FAF1: variants seen among roughly 807,000 people sequenced by gnomAD.
FAF1 encodes Fas associated factor 1.
A neutral mutation model predicts 92.5 loss-of-function variants in FAF1; 25 were observed. The observed-to-expected ratio is 0.27, with a 90% confidence interval of 0.20 to 0.38. The LOEUF is 0.38. Ranked by LOEUF, FAF1 falls within the 10% of genes least tolerant of loss-of-function variation. The probability of loss-of-function intolerance (pLI) is 1.00; values close to 1 mark genes in which losing one functional copy is unlikely to be tolerated. For synonymous variants in FAF1, 234 were observed against 273.2 expected (o/e 0.86, Z 1.42); for missense variants, 636 against 793.3 (o/e 0.80, Z 2.38).
chr1:50,696,929 T>C (rs1427806515), intron 7 of FAF1, among the ~76,000 whole-genome samples: 1 of 152,204 alleles, frequency 6.6e-6, no homozygotes, highest in Non-Finnish European at 1.5e-5. Flanking sequence ...GGCTAAATCT[T>C]TCATGTAGGA....
At chr1:50,701,767 T>A (rs564436470) in intron 7 of FAF1, among the ~76,000 whole-genome samples, 1 of 152,208 alleles carries the variant, frequency 6.6e-6, no homozygotes, top group African/African-American at 2.4e-5. Context: ...GCTTCCCATT[T>A]AATCACTACT....
chr1:50,609,825 C>T (rs1572866816), intron 8 of FAF1, among the ~76,000 whole-genome samples: 1 of 152,038 alleles, frequency 6.6e-6, no homozygotes, highest in Admixed American at 6.6e-5. Flanking sequence ...ATTAGATTGC[C>T]CAAAATATAA....
At chr1:50,927,749 C>T (rs1018910816) in intron 1 of FAF1, among the ~76,000 whole-genome samples, 1 of 152,040 alleles carries the variant, frequency 6.6e-6, no homozygotes, top group African/African-American at 2.4e-5. Flanking sequence ...AATTCTGAGA[C>T]TAGAAATCCA....
At chr1:50,442,587 A>AG (rs1425692377) in intron 18 of FAF1, among the ~76,000 whole-genome samples, 1 of 152,222 alleles carries the variant, frequency 6.6e-6, no homozygotes, top group African/African-American at 2.4e-5. Flanking sequence ...AGCAATCTCT[A>AG]GTCAGGCCTG....
intron 4 of FAF1, among the ~76,000 whole-genome samples, chr1:50,756,459 AG>A (rs1660077616): frequency 6.6e-6 from 1 of 150,742 alleles, no homozygotes; most frequent in South Asian, 2.1e-4. Context: ...ACAAGTCTCC[AG>A]GAGGTTCCAA....
At chr1:50,683,529 TAA>T (rs746843287) in intron 7 of FAF1, among the ~76,000 whole-genome samples, 1 of 139,868 alleles carries the variant, frequency 7.1e-6, no homozygotes, top group Admixed American at 7.1e-5. Context: ...CCTGTCTCAT[TAA>T]AAAAAAAAAA....
intron 6 of FAF1, among the ~76,000 whole-genome samples, chr1:50,708,623 C>T (rs1657791593): frequency 1.3e-5 from 2 of 151,796 alleles, no homozygotes; most frequent in Admixed American, 1.3e-4. Context: ...TTTTAGGCTT[C>T]GAGGCCAAAA....
chr1:50,844,181 T>A (rs1456023952), intron 2 of FAF1, among the ~76,000 whole-genome samples: 2 of 152,254 alleles, frequency 1.3e-5, no homozygotes, highest in Non-Finnish European at 2.9e-5. Flanking sequence ...TGTCATCTTT[T>A]GAGAAATGTC....
At chr1:50,678,260 T>C (rs1656231948) in intron 7 of FAF1, among the ~76,000 whole-genome samples, 1 of 152,216 alleles carries the variant, frequency 6.6e-6, no homozygotes, top group Non-Finnish European at 1.5e-5. Flanking sequence ...ATGCAGTTTT[T>C]AGATTCTATA....
chr1:50,912,588 T>C (rs1230230450), intron 1 of FAF1, among the ~76,000 whole-genome samples: 1 of 152,226 alleles, frequency 6.6e-6, no homozygotes, highest in South Asian at 2.1e-4. Context: ...TTACTCTGGT[T>C]ATCACAACCT....
rs760689959 is a variant in FAF1, at chr1:50,596,122, T to C, written c.839A>G (p.Glu280Gly). The C allele has an allele frequency of 6.2e-7, 1 of 1,612,042 alleles. No homozygotes were observed. The highest frequency in any genetic ancestry group is 1.7e-5 in the Admixed American group (1 of 59,926). Reference sequence around the variant, plus strand: ...AGAAAAGCTGGCAAACAGGCTTACTTCTTCCGACTGTTCCCGGGTCTGTGC... The same window carrying C: ...AGAAAAGCTGGCAAACAGGCTTACTCCTTCCGACTGTTCCCGGGTCTGTGC... ...SPAQTREQSE[E>G]QITDVHMVSD... is the part of the protein sequence containing the mutation. The change falls in exon 9 of 19, where the codon GAA becomes GGA. Residue 280 changes from glutamate (E) to glycine (G), a missense_variant and splice_region_variant. Around this residue, in one of 2 missense-constraint regions of FAF1, gnomAD observed 317 missense variants for 342.4 expected, o/e 0.93. Transcript: ENST00000396153.
chr1:50,870,914 G>C (rs1212340665), intron 1 of FAF1, among the ~76,000 whole-genome samples: 1 of 152,200 alleles, frequency 6.6e-6, no homozygotes, highest in Non-Finnish European at 1.5e-5. Context: ...TGAAAGTTGA[G>C]ATAAGCTTAA....
At chr1:50,522,027 A>G (rs1055557693) in intron 15 of FAF1, among the ~76,000 whole-genome samples, 1 of 152,254 alleles carries the variant, frequency 6.6e-6, no homozygotes, top group African/African-American at 2.4e-5. Context: ...TTTAAGAACA[A>G]CAAATGTAAA....
At chr1:50,660,500 CT>C (rs796515667) in intron 7 of FAF1, among the ~76,000 whole-genome samples, 2,915 of 144,178 alleles carry the variant, frequency 0.02, 70 homozygotes, top group African/African-American at 0.066. Context: ...AGATTTCTTT[CT>C]TTTTTTTTTT....
chr1:50,853,745 C>T (rs1485542833), intron 2 of FAF1, among the ~76,000 whole-genome samples: 3 of 152,000 alleles, frequency 2.0e-5, no homozygotes, highest in Non-Finnish European at 4.4e-5. Flanking sequence ...AGTTTCATAT[C>T]TAGAGACCGT....
intron 4 of FAF1, among the ~76,000 whole-genome samples, chr1:50,750,601 G>T (rs978885230): frequency 6.7e-6 from 1 of 150,290 alleles, no homozygotes; most frequent in African/African-American, 2.4e-5. Context: ...TAATGTTTTC[G>T]AGATTTATCC....
At chr1:50,772,291 A>G (rs533298764) in intron 4 of FAF1, among the ~76,000 whole-genome samples, 3 of 152,310 alleles carry the variant, frequency 2.0e-5, no homozygotes, top group Admixed American at 2.0e-4. Context: ...CAGTTTGGCA[A>G]TCTCTCAAAG....
intron 1 of FAF1, among the ~76,000 whole-genome samples, chr1:50,922,711 G>C (rs1644974657): frequency 6.7e-6 from 1 of 148,822 alleles, no homozygotes; most frequent in Non-Finnish European, 1.5e-5. Context: ...CCAGCTACTT[G>C]TGGGGGCTGA....
chr1:50,532,349 G>A (rs144544448), intron 15 of FAF1, among the ~76,000 whole-genome samples: 1 of 152,230 alleles, frequency 6.6e-6, no homozygotes, highest in African/African-American at 2.4e-5. Flanking sequence ...ATGGAAAAAT[G>A]AACTGGGAAT....
Sources: allele counts gnomAD v4.1 joint callset (sites outside exome capture counted in the v4.1 genomes callset), GRCh38; gene constraint gnomAD v4.1.1; regional missense constraint gnomAD v4.1.1; transcripts MANE v1.5; gene names NCBI Gene and HGNC (gene_info 2026-07-23, HGNC 2026-07-21).